The following PCSK6 variants were observed in gnomAD, a reference collection of about 807,000 sequenced individuals.
PCSK6 encodes the protein paired basic amino acid cleaving enzyme 4.
In PCSK6, 85 loss-of-function variants were observed where a neutral mutation model predicts 123.3. The observed-to-expected ratio is 0.69, with a 90% CI of 0.58 to 0.83. PCSK6 has a LOEUF of 0.83. Among genes scored for constraint, PCSK6 ranks in the 40% least tolerant of loss-of-function variants. PCSK6 has a pLI of 0.00. For synonymous variants in PCSK6, 508 were observed against 516.0 expected (o/e 0.98, Z 0.21); for missense variants, 1,191 against 1,282.3 (o/e 0.93, Z 1.09).
chr15:101,432,652 A>AGG (rs1001733301), intron 2 of PCSK6, among the ~76,000 whole-genome samples: 16 of 151,518 alleles, frequency 1.1e-4, no homozygotes, highest in African/African-American at 3.4e-4. Flanking sequence ...ACAGAGAGAG[A>AGG]GAGAGACAGA....
intron 6 of PCSK6, among the ~76,000 whole-genome samples, chr15:101,410,582 A>G (rs1220619209): frequency 6.6e-6 from 1 of 152,150 alleles, no homozygotes; most frequent in African/African-American, 2.4e-5. Context: ...CGAGGCCAAA[A>G]TATGCTTGGA....
intron 12 of PCSK6, among the ~76,000 whole-genome samples, chr15:101,366,738 G>T (rs534476664): frequency 6.6e-6 from 1 of 152,240 alleles, no homozygotes; most frequent in African/African-American, 2.4e-5. Flanking sequence ...CCGGATGCAC[G>T]AAAGCAGACA....
At position 101,393,307 on chromosome 15, in the gene PCSK6, C is replaced by T. The variant is rs539261901; in HGVS notation, c.1114G>A (p.Ala372Thr). ...CAGGGCTTGTAGCCATTCTCGGTGGCGCTGCTGACGGAGATGGTGTAGATG... is the reference window on the plus strand; with the variant it reads ...CAGGGCTTGTAGCCATTCTCGGTGGTGCTGCTGACGGAGATGGTGTAGATG... ...NSIYTISVSS[A>T]TENGYKPWYL... Residue 372 changes from alanine to threonine, a missense_variant, in exon 8 of 22, where the codon GCC becomes ACC. Ala to Thr is a moderately conservative substitution (Grantham distance 58). Coordinates refer to ENST00000611716, the MANE Select transcript of PCSK6 (RefSeq NM_002570.5). The T allele has an allele frequency of 1.6e-5, 25 of 1,595,306 alleles. No individual in the cohort carries two copies. The highest frequency in any genetic ancestry group is 1.2e-4 in the South Asian group (11 of 90,124).
Position 101,384,352 on chromosome 15 carries a change from C to A in PCSK6, c.1384G>T (p.Asp462Tyr), listed in dbSNP as rs369879412. The A allele has an allele frequency of 1.2e-6, 2 of 1,613,686 alleles. No individual in the cohort carries two copies. Among genetic ancestry groups the A allele is most frequent in the African/African-American group, 2.7e-5 (2 of 74,904 alleles). Residue 462 changes from aspartate (D) to tyrosine (Y), a missense_variant, in exon 10 of 22, where the codon GAC becomes TAC. Asp to Tyr is a radical substitution (Grantham distance 160). Around this residue, in one of 3 missense-constraint regions of PCSK6, gnomAD observed 357 missense variants for 484.5 expected, o/e 0.74. Transcript: ENST00000611716. ...TGACCCGCGCCGTTCACTTTCCAGTCGCTCGCTTTCAGGTGGGCCGGCCGG... is the reference window on the plus strand; with the variant it reads ...TGACCCGCGCCGTTCACTTTCCAGTAGCTCGCTTTCAGGTGGGCCGGCCGG... ...TSRPAHLKASDWKVNGAGHKV... is the reference protein window; with the variant it reads ...TSRPAHLKASYWKVNGAGHKV...
rs1410868139 is a variant in PCSK6 at position 101,489,389 on chromosome 15, G to A, written c.282C>T (p.Tyr94=). 17 of 1,260,468 alleles carry A rather than the reference G, an allele frequency of 1.3e-5. No homozygotes were observed. In the East Asian group the frequency reaches 8.1e-4, roughly 60 times the overall value. The allele number at this position is 1,260,468 out of a possible 1,614,324, so 78.1% of individuals were successfully genotyped here. A position where few individuals can be genotyped will look rare whatever the true frequency, so the allele number is the denominator to read the frequency against. Reference sequence around the variant, plus strand: ...CCGCACTCACCTGGCCCAAGTTGAGGTACCCGTGCGCCGCCGCCACGCGGT... The same window carrying A: ...CCGCACTCACCTGGCCCAAGTTGAGATACCCGTGCGCCGCCGCCACGCGGT... ...EADRVAAAHG[Y]LNLGQIGNLE... is the part of the protein sequence containing the mutation. The change falls in exon 1 of 22, where the codon TAC becomes TAT. Residue 94 remains tyrosine, a synonymous_variant. Transcript: ENST00000611716.
rs1220525366 is a variant in PCSK6, at chr15:101,398,808, G to T, written c.824-232C>A. On this transcript the variant is annotated intron_variant, in intron 6 of 21. Transcript: ENST00000611716. This position sits in a 1 kb window ranked among gnomAD's most constrained non-coding sequence, Gnocchi z 4.6. ...AGCTACGTCCCAAAGAGAGGGTTCA[G>T]CTTCCCTCAGTGCTATGATGTCCTG... Among the ~76,000 whole-genome samples the T allele has an allele frequency of 1.3e-5, 2 of 152,330 alleles. No homozygotes were observed. The highest frequency in any genetic ancestry group is 3.9e-4 in the East Asian group (2 of 5,192).
At chr15:101,437,515 C>T (rs1033329521) in intron 2 of PCSK6, among the ~76,000 whole-genome samples, 2 of 152,148 alleles carry the variant, frequency 1.3e-5, no homozygotes. Context: ...AGCTGCGAGC[C>T]CAGCTCCCTC....
chr15:101,450,225 T>G (rs977867088), intron 1 of PCSK6, among the ~76,000 whole-genome samples: 2 of 151,572 alleles, frequency 1.3e-5, no homozygotes, highest in Non-Finnish European at 2.9e-5. Context: ...ACCACCGCAC[T>G]GACACTCCCA....
intron 13 of PCSK6, among the ~76,000 whole-genome samples, chr15:101,341,379 G>C (rs1286075325): frequency 6.6e-6 from 1 of 151,390 alleles, no homozygotes; most frequent in Non-Finnish European, 1.5e-5. Flanking sequence ...CTCCCAAGTA[G>C]TTAGGATTAG....
chr15:101,352,025 A>G (rs1346990140), intron 13 of PCSK6, among the ~76,000 whole-genome samples: 1 of 151,954 alleles, frequency 6.6e-6, no homozygotes, highest in Non-Finnish European at 1.5e-5. Flanking sequence ...TCAAACATTT[A>G]CTATCTGACC....
chr15:101,377,193 GCTGTGCTCTTAGGCA>G (rs3837711), intron 11 of PCSK6, among the ~76,000 whole-genome samples: 116,550 of 152,004 alleles, frequency 0.77, 46,984 homozygotes, highest in South Asian at 0.91. Context: ...GACGCCAGCA[GCTGTGCTCTTAGGCA>G]CTGGCACCTG....
chr15:101,398,689 G>T lies in PCSK6; in HGVS notation c.824-113C>A. On this transcript the variant is annotated intron_variant, in intron 6 of 21. Coordinates refer to ENST00000611716, the MANE Select transcript of PCSK6 (RefSeq NM_002570.5). The surrounding 1 kb of genome is among the most constrained non-coding windows in gnomAD (Gnocchi z 4.6). Reference sequence around the variant, plus strand: ...CACCGCATCACAGAGTCCCTCCCCAGCAGGGGCTGTTCCCAGTCATTCTGC... The same window carrying T: ...CACCGCATCACAGAGTCCCTCCCCATCAGGGGCTGTTCCCAGTCATTCTGC... The T allele has an allele frequency of 8.6e-7, 1 of 1,161,436 alleles. No individual in the cohort carries two copies. The highest frequency in any genetic ancestry group is 2.5e-5 in the East Asian group (1 of 40,090). 71.9% of individuals were successfully genotyped at this position (1,161,436 alleles called of 1,614,324 possible). A position where few individuals can be genotyped will look rare whatever the true frequency, so the allele number is the denominator to read the frequency against.
rs986787493 is a variant in PCSK6, at chr15:101,305,919, C to A, written c.2813-564G>T. On this transcript the variant is annotated intron_variant, in intron 21 of 21. Transcript: ENST00000611716. This position sits in a 1 kb window ranked among gnomAD's most constrained non-coding sequence, Gnocchi z 4.8. ...TGGGGCTCTTGCTGAGTCTCAGTGA[C>A]AAGGGGATTCATGAGCAGGATGTGG... Among the ~76,000 whole-genome samples the A allele has an allele frequency of 2.6e-5, 4 of 151,826 alleles. No homozygotes were observed. Among genetic ancestry groups the A allele is most frequent in the African/African-American group, 9.7e-5 (4 of 41,320 alleles).
At chr15:101,355,217 T>G (rs1245423143) in intron 13 of PCSK6, among the ~76,000 whole-genome samples, 3 of 152,230 alleles carry the variant, frequency 2.0e-5, no homozygotes, top group Admixed American at 6.5e-5. Context: ...TGACACAGGA[T>G]TTTTTAAAGT....
At chr15:101,476,409 T>G (rs978201028) in intron 1 of PCSK6, among the ~76,000 whole-genome samples, 1 of 152,140 alleles carries the variant, frequency 6.6e-6, no homozygotes, top group Admixed American at 6.6e-5. Context: ...ACAAAACATG[T>G]TGCATCTCTA....
At chr15:101,442,670 G>C (rs544438430) in intron 2 of PCSK6, among the ~76,000 whole-genome samples, 4 of 152,082 alleles carry the variant, frequency 2.6e-5, no homozygotes, top group Admixed American at 2.0e-4. Context: ...CACCAGCCAG[G>C]GGGCCCAAAC....
chr15:101,432,312 ACT>A (rs1320160566), intron 2 of PCSK6, among the ~76,000 whole-genome samples: 3 of 151,798 alleles, frequency 2.0e-5, no homozygotes, highest in Non-Finnish European at 4.4e-5. Flanking sequence ...AAATAACACC[ACT>A]CTGATAGATT....
intron 6 of PCSK6, among the ~76,000 whole-genome samples, chr15:101,407,783 C>T (rs912820098): frequency 2.0e-5 from 3 of 152,194 alleles, no homozygotes; most frequent in African/African-American, 7.2e-5. Context: ...GGTACTGGGA[C>T]GCATCCTCTT....
intron 13 of PCSK6, among the ~76,000 whole-genome samples, chr15:101,353,198 G>T (rs1337325446): frequency 6.6e-6 from 1 of 152,070 alleles, no homozygotes; most frequent in African/African-American, 2.4e-5. Flanking sequence ...CCGTCTGGGG[G>T]TGATGGGAGA....
Sources: gnomAD v4.1 joint callset for allele counts (sites outside exome capture counted in the v4.1 genomes callset) on GRCh38, gnomAD v4.1.1 for gene constraint, gnomAD v4.1.1 regional missense constraint, Gnocchi (gnomAD v3.1) non-coding constraint, MANE v1.5 for transcripts, NCBI Gene and HGNC (gene_info 2026-07-23, HGNC 2026-07-21) for gene names.